UNC13B: variants seen among roughly 807,000 people sequenced by gnomAD.
UNC13B encodes the protein protein unc-13 homolog B.
Under a neutral mutation model 211.0 loss-of-function variants are expected in UNC13B, and 144 were observed. The observed-to-expected ratio is 0.68, with a 90% CI of 0.60 to 0.78. UNC13B has a LOEUF of 0.78. Among genes scored for constraint, UNC13B ranks in the 30% least tolerant of loss-of-function variants. The pLI, the probability that UNC13B is intolerant of heterozygous loss-of-function variation, is 0.00. For missense variants in UNC13B, 1,777 were observed against 2,002.0 expected (o/e 0.89, Z 2.14); for synonymous variants, 709 against 725.8 (o/e 0.98, Z 0.37).
In UNC13B at chr9:35,301,392, TC is replaced by T; in HGVS notation, c.1989del (p.Ser665GlnfsTer28). On this transcript the variant is annotated frameshift_variant, in exon 9 of 40. Coordinates refer to ENST00000635942, the MANE Select transcript of UNC13B (RefSeq NM_001371189.2). LOFTEE classifies it high-confidence loss of function. ...TTCAGCAGGTTAAATCCATTGAAGA[TC>T]TTTTCAGAAAAGGAGGAAACAAAAA... is the stretch of plus-strand genomic sequence containing the variant. ...SVFSRLNPLK[I>X]FSEKEETKKD... The T allele has an allele frequency of 2.5e-6, 1 of 398,616 alleles. No homozygotes were observed. Among genetic ancestry groups the T allele is most frequent in the Non-Finnish European group, 4.4e-6 (1 of 225,926 alleles). The allele number at this position is 398,616 out of a possible 1,614,324, so 24.7% of individuals were successfully genotyped here.
At chr9:35,218,140 C>T (rs1180664192) in intron 1 of UNC13B, among the ~76,000 whole-genome samples, 1 of 152,064 alleles carries the variant, frequency 6.6e-6, no homozygotes, top group Non-Finnish European at 1.5e-5. Flanking sequence ...CTTTCTCTCA[C>T]CAGGTTTTCT....
chr9:35,396,616 T>C lies in UNC13B; in HGVS notation c.11435+14T>C, dbSNP rs758462386. On this transcript the variant is annotated intron_variant, in intron 27 of 39. Transcript: ENST00000635942. ...TGAGTACCCAGCGTGAGTCATCATGTGGGCACTACAGAGGGAAGGGAGCCC... is the reference window on the plus strand; with the variant it reads ...TGAGTACCCAGCGTGAGTCATCATGCGGGCACTACAGAGGGAAGGGAGCCC... The C allele has an allele frequency of 6.2e-7, 1 of 1,613,594 alleles. No homozygotes were observed.
At chr9:35,290,937 A>T (rs1829067185) in intron 7 of UNC13B, 1 of 794,164 alleles carries the variant, frequency 1.3e-6, no homozygotes, top group South Asian at 1.8e-5. Context: ...ATGTAAAGTT[A>T]GTAGAATACA....
intron 1 of UNC13B, among the ~76,000 whole-genome samples, chr9:35,163,342 A>G (rs1820875111): frequency 6.6e-6 from 1 of 152,228 alleles, no homozygotes; most frequent in South Asian, 2.1e-4. Context: ...TGATTTCTCC[A>G]ATAACGATGT....
At chr9:35,220,240 G>A (rs561084695) in intron 1 of UNC13B, among the ~76,000 whole-genome samples, 1 of 151,270 alleles carries the variant, frequency 6.6e-6, no homozygotes, top group South Asian at 2.1e-4. Context: ...ATCACATTAG[G>A]GTAAATGGGG....
chr9:35,169,605 A>G (rs1805385479), intron 1 of UNC13B, among the ~76,000 whole-genome samples: 1 of 152,004 alleles, frequency 6.6e-6, no homozygotes, highest in Admixed American at 6.6e-5. Context: ...GCTTCCATCG[A>G]TCGTGGTTCT....
chr9:35,390,087 A>G (rs1564191360), intron 25 of UNC13B, 114 bp downstream of exon 25: 5 of 1,526,252 alleles, frequency 3.3e-6, no homozygotes, highest in Non-Finnish European at 4.4e-6. Context: ...CTTCCTGTCC[A>G]TCCATCTGTC....
At chr9:35,375,842 A>G (rs1834364627) in intron 14 of UNC13B, among the ~76,000 whole-genome samples, 186 bp from the exon 15 acceptor site, 1 of 152,152 alleles carries the variant, frequency 6.6e-6, no homozygotes, top group South Asian at 2.1e-4. Flanking sequence ...TTAGCTGGGC[A>G]TGGTAGCATG....
At chr9:35,170,167 T>G (rs968820561) in intron 1 of UNC13B, among the ~76,000 whole-genome samples, 1 of 152,202 alleles carries the variant, frequency 6.6e-6, no homozygotes, top group East Asian at 1.9e-4. Flanking sequence ...TTACTGTTTT[T>G]TTTTTGTTTT....
intron 1 of UNC13B, among the ~76,000 whole-genome samples, chr9:35,208,155 C>T (rs12346113): frequency 0.026 from 3,965 of 152,250 alleles, 175 homozygotes; most frequent in African/African-American, 0.088. Context: ...CTTTCTGGAA[C>T]GATACCTCTG....
rs555390425 is a variant in UNC13B at position 35,194,065 on chromosome 9, C to T, written c.22+31760C>T. On this transcript the variant is annotated intron_variant, in intron 1 of 39. Transcript: ENST00000635942. ...CAAGGGCAGAGTGACCTGGAAGTTC[C>T]GTTTGCTCTCCAGACCAAGGGCAGG... Among the ~76,000 whole-genome samples the T allele has an allele frequency of 1.1e-4, 17 of 152,056 alleles. No homozygotes were observed. In the South Asian group the frequency reaches 2.1e-3, roughly 19 times the overall value.
intron 1 of UNC13B, among the ~76,000 whole-genome samples, chr9:35,198,596 G>T (rs115445006): frequency 0.074 from 11,252 of 152,220 alleles, 631 homozygotes; most frequent in East Asian, 0.3. Flanking sequence ...AAAGTGACTT[G>T]GGAACTGGGT....
chr9:35,328,318 C>T (rs1217571997), intron 11 of UNC13B, among the ~76,000 whole-genome samples: 1 of 152,148 alleles, frequency 6.6e-6, no homozygotes, highest in Non-Finnish European at 1.5e-5. Flanking sequence ...GCCACCATGC[C>T]CAGCCTAAAT....
chr9:35,297,561 T>TGTTTGTTTTTTTGTTTTTTTG (rs1554698739), intron 8 of UNC13B, among the ~76,000 whole-genome samples: 3 of 128,164 alleles, frequency 2.3e-5, no homozygotes, highest in African/African-American at 8.8e-5. Flanking sequence ...TTTTTTTTTT[T>TGTTTGTTTTTTTGTTTTTTTG]TTTTTTGAGA....
At position 35,236,524 on chromosome 9, in the gene UNC13B, A is replaced by G. The variant is rs1225217095; in HGVS notation, c.208A>G (p.Ile70Val). 6.2e-7 allele frequency: 1 copy of G among 1,613,976 alleles called. No individual in the cohort carries two copies. The highest frequency in any genetic ancestry group is 8.5e-7 in the Non-Finnish European group (1 of 1,179,980). The stretch of plus-strand genomic sequence containing the variant: ...TGTGGAGGTATGGAACAAAGGACTG[A>G]TCTGGGACACCATGGTGGGGACTGT... ...LSVEVWNKGLIWDTMVGTVWI... is the reference protein window; with the variant it reads ...LSVEVWNKGLVWDTMVGTVWI... The change falls in exon 4 of 40, where the codon ATC becomes GTC. Residue 70 changes from isoleucine (I) to valine (V), a missense_variant. By Grantham distance (29) the Ile-to-Val change is conservative. Transcript: ENST00000635942.
intron 1 of UNC13B, among the ~76,000 whole-genome samples, chr9:35,202,608 C>A (rs1823378341): frequency 1.3e-5 from 2 of 152,018 alleles, no homozygotes; most frequent in African/African-American, 4.8e-5. Flanking sequence ...ATGTAATGGC[C>A]TTCTTTGTCT....
intron 11 of UNC13B, among the ~76,000 whole-genome samples, chr9:35,329,550 C>T (rs374962155): frequency 2.6e-5 from 4 of 151,076 alleles, no homozygotes; most frequent in South Asian, 2.1e-4. Flanking sequence ...TGCAGTGGTG[C>T]GATCTTGGCT....
intron 11 of UNC13B, chr9:35,342,438 C>T (rs2068793375): frequency 2.3e-5 from 20 of 885,614 alleles, no homozygotes; most frequent in African/African-American, 3.6e-5. Flanking sequence ...ACATTAATTA[C>T]GTAATTGCTT....
In UNC13B at chr9:35,295,560, G is replaced by A. The variant is rs530461901; in HGVS notation, c.527-136G>A. 8.5e-5 allele frequency: 61 copies of A among 715,336 alleles called. 1 individual carries two copies. Among genetic ancestry groups the A allele is most frequent in the East Asian group, 8.0e-4 (30 of 37,312 alleles). 44.3% of individuals were successfully genotyped at this position (715,336 alleles called of 1,614,324 possible). A position where few individuals can be genotyped will look rare whatever the true frequency, so the allele number is the denominator to read the frequency against. On this transcript the variant is annotated intron_variant, in intron 7 of 39. Coordinates refer to ENST00000635942, the MANE Select transcript of UNC13B (RefSeq NM_001371189.2). Reference sequence around the variant, plus strand: ...CAGTTCTGCTCATGGCTCTGAGGTCGTCACTGGGCTCATGTGAAGCTCAGC... The same window carrying A: ...CAGTTCTGCTCATGGCTCTGAGGTCATCACTGGGCTCATGTGAAGCTCAGC...
Sources: allele counts gnomAD v4.1 joint callset (sites outside exome capture counted in the v4.1 genomes callset), GRCh38; gene constraint gnomAD v4.1.1; transcripts MANE v1.5; gene names NCBI Gene and HGNC (gene_info 2026-07-23, HGNC 2026-07-21).